CASK: variants seen among roughly 807,000 people sequenced by gnomAD.
The protein encoded by CASK is calcium/calmodulin dependent serine protein kinase.
A neutral mutation model predicts 82.9 loss-of-function variants in CASK; 4 were observed. The observed-to-expected ratio is 0.05, with a 90% CI of 0.02 to 0.11. The LOEUF is 0.11. Among genes scored for constraint, CASK ranks in the 10% least tolerant of loss-of-function variants. The pLI is 1.00. For missense variants in CASK, 358 were observed against 720.9 expected (o/e 0.50, Z 5.76); for synonymous variants, 259 against 253.5 (o/e 1.02, Z -0.20).
At chrX:41,909,834 T>C (rs1199656993) in intron 1 of CASK, among the ~76,000 whole-genome samples, 1 of 112,071 alleles carries the variant, frequency 8.9e-6, no homozygotes, top group Non-Finnish European at 1.9e-5. Flanking sequence ...CTTGAACTCC[T>C]GGCCTCAAAT....
chrX:41,641,343 C>T (rs1024604972), intron 8 of CASK, among the ~76,000 whole-genome samples: 3 of 111,722 alleles, frequency 2.7e-5, no homozygotes, highest in Admixed American at 9.6e-5. Context: ...TTGGAAAACA[C>T]GGGTAATTGG....
At chrX:41,645,530 T>C (rs1343401984) in intron 8 of CASK, among the ~76,000 whole-genome samples, 1 of 110,673 alleles carries the variant, frequency 9.0e-6, no homozygotes, top group Non-Finnish European at 1.9e-5. Flanking sequence ...AGAAAAGACG[T>C]CTGTGTCAGA....
chrX:41,861,224 TTTGA>T (rs781605143), intron 1 of CASK, among the ~76,000 whole-genome samples: 1 of 110,776 alleles, frequency 9.0e-6, no homozygotes, highest in Non-Finnish European at 1.9e-5. Context: ...TTCTGGAAAA[TTTGA>T]TTGGTGTGTG....
chrX:41,737,081 G>A (rs915436319), intron 5 of CASK, among the ~76,000 whole-genome samples: 7 of 112,105 alleles, frequency 6.2e-5, no homozygotes, highest in African/African-American at 9.7e-5. Context: ...TGCATAAGAT[G>A]TGACACAGTG....
At chrX:41,910,890 T>A (rs1373880863) in intron 1 of CASK, among the ~76,000 whole-genome samples, 1 of 112,188 alleles carries the variant, frequency 8.9e-6, no homozygotes, top group African/African-American at 3.2e-5. Flanking sequence ...TTGTTTTTTT[T>A]AAAGCTTTGC....
chrX:41,553,980 T>G, intron 20 of CASK, 65 bp from the exon 21 acceptor site: 1 of 778,282 alleles, frequency 1.3e-6, no homozygotes, highest in Non-Finnish European at 2.0e-6. Context: ...AGCTCTAATG[T>G]CATAACCACA....
chrX:41,620,765 T>C (rs1042724067), intron 11 of CASK, among the ~76,000 whole-genome samples: 5 of 112,215 alleles, frequency 4.5e-5, no homozygotes, highest in Admixed American at 2.8e-4. Flanking sequence ...AACTGTATTT[T>C]GGACATAAGC....
At chrX:41,721,991 A>G (rs1041394805) in intron 5 of CASK, among the ~76,000 whole-genome samples, 1 of 112,395 alleles carries the variant, frequency 8.9e-6, no homozygotes, top group Non-Finnish European at 1.9e-5. Context: ...ACCCTCAATT[A>G]GCTTGTGACT....
At chrX:41,821,305 T>C (rs775903095) in intron 2 of CASK, among the ~76,000 whole-genome samples, 1 of 111,814 alleles carries the variant, frequency 8.9e-6, no homozygotes, top group East Asian at 2.8e-4. Context: ...CAAAGATATA[T>C]GAATGGCCAA....
chrX:41,710,544 T>C (rs1259515159), intron 5 of CASK, among the ~76,000 whole-genome samples: 1 of 111,944 alleles, frequency 8.9e-6, no homozygotes, highest in Non-Finnish European at 1.9e-5. Flanking sequence ...TGAAGGATAG[T>C]GAAACTTTGA....
At chrX:41,601,611 A>C (rs183786679) in intron 12 of CASK, among the ~76,000 whole-genome samples, 1 of 111,527 alleles carries the variant, frequency 9.0e-6, no homozygotes, top group East Asian at 2.8e-4. Context: ...ATCTAGTGGG[A>C]TGATAGTAAA....
At chrX:41,688,499 G>A (rs2067483846) in intron 5 of CASK, among the ~76,000 whole-genome samples, 1 of 111,439 alleles carries the variant, frequency 9.0e-6, no homozygotes, top group African/African-American at 3.3e-5. Flanking sequence ...TTATCATAGT[G>A]ATCAAAAGGG....
chrX:41,835,822 T>C (rs1227881468), intron 2 of CASK, among the ~76,000 whole-genome samples: 4 of 112,488 alleles, frequency 3.6e-5, no homozygotes, highest in Non-Finnish European at 7.5e-5. Flanking sequence ...ATAATCACTA[T>C]AAATTGTCTT....
At chrX:41,790,119 C>CTT in intron 2 of CASK, 11 of 635,802 alleles carry the variant, frequency 1.7e-5, no homozygotes, top group Admixed American at 5.4e-5. Flanking sequence ...TTAGTAGAGA[C>CTT]TTTTTTTTTT....
At chrX:41,830,786 C>G (rs1222591091) in intron 2 of CASK, among the ~76,000 whole-genome samples, 1 of 98,283 alleles carries the variant, frequency 1.0e-5, no homozygotes, top group Non-Finnish European at 2.0e-5. Flanking sequence ...CGCCACTGCA[C>G]TCCAGCCTGG....
chrX:41,639,885 A>C (rs973975968), intron 8 of CASK, among the ~76,000 whole-genome samples: 7 of 111,961 alleles, frequency 6.3e-5, no homozygotes, highest in African/African-American at 2.3e-4. Context: ...TTTTGAATCT[A>C]TCCATGTTGT....
chrX:41,677,598 A>T (rs767920583), intron 5 of CASK, among the ~76,000 whole-genome samples: 4 of 111,954 alleles, frequency 3.6e-5, no homozygotes, highest in Non-Finnish European at 5.6e-5. Context: ...ATGGAGGCAA[A>T]AATCCCCATT....
At chrX:41,858,560 A>G (rs912995891) in intron 1 of CASK, among the ~76,000 whole-genome samples, 4 of 111,160 alleles carry the variant, frequency 3.6e-5, no homozygotes, top group African/African-American at 1.3e-4. Flanking sequence ...CTACAGCGGA[A>G]ATGTCCTGCC....
chrX:41,749,447 G>A (rs760157973), intron 3 of CASK, among the ~76,000 whole-genome samples: 9 of 81,537 alleles, frequency 1.1e-4, no homozygotes, highest in East Asian at 9.8e-4. Context: ...GTGCAGTGGC[G>A]CCATCTCAGC....
Sources: allele counts gnomAD v4.1 joint callset (sites outside exome capture counted in the v4.1 genomes callset), GRCh38; gene constraint gnomAD v4.1.1; transcripts MANE v1.5; gene names NCBI Gene and HGNC (gene_info 2026-07-23, HGNC 2026-07-21).